Variants in ITGA9 observed in about 807,000 individuals in gnomAD.
ITGA9 encodes integrin alpha-9.
In ITGA9, 56 loss-of-function variants were observed where a neutral mutation model predicts 127.8. The ratio of observed to expected loss-of-function variants is 0.44; its 90% CI spans 0.35 to 0.55. ITGA9 has a LOEUF of 0.55. Among genes scored for constraint, ITGA9 ranks in the 20% least tolerant of loss-of-function variants. The pLI is 0.00. For missense variants in ITGA9, 1,196 were observed against 1,347.1 expected, an observed-to-expected ratio of 0.89 and a Z score of 1.76; for synonymous variants, 508 against 514.5, an observed-to-expected ratio of 0.99 and a Z score of 0.17.
intron 24 of ITGA9, among the ~76,000 whole-genome samples, chr3:37,778,872 G>GTTTTTTTTTTTTTTTTTTTTTTTTTT (rs10583231): frequency 9.4e-6 from 1 of 106,260 alleles, no homozygotes; most frequent in Non-Finnish European, 1.9e-5. Flanking sequence ...GAAAGGTTGG[G>GTTTTTTTTTTTTTTTTTTTTTTTTTT]TTTTTTTTTT....
At chr3:37,637,864 G>A (rs1700295886) in intron 16 of ITGA9, among the ~76,000 whole-genome samples, 1 of 152,112 alleles carries the variant, frequency 6.6e-6, no homozygotes, top group African/African-American at 2.4e-5. Context: ...GTAGAGACAA[G>A]TTTTCACTAT....
intron 8 of ITGA9, among the ~76,000 whole-genome samples, chr3:37,512,375 AC>A (rs1698941013): frequency 6.6e-6 from 1 of 151,200 alleles, no homozygotes; most frequent in African/African-American, 2.4e-5. Context: ...GCCTGCCACC[AC>A]GCCTGGCTAA....
intron 23 of ITGA9, among the ~76,000 whole-genome samples, chr3:37,760,536 GA>G (rs199746768): frequency 6.6e-6 from 1 of 151,320 alleles, no homozygotes; most frequent in South Asian, 2.1e-4. Flanking sequence ...AAAGAGGGCA[GA>G]AAAAAAAATT....
At chr3:37,790,072 T>A (rs1697089807) in intron 26 of ITGA9, 1 of 555,946 alleles carries the variant, frequency 1.8e-6, no homozygotes, top group African/African-American at 1.9e-5. Context: ...AAGTTTATGA[T>A]TGTTAAGAAG....
intron 15 of ITGA9, among the ~76,000 whole-genome samples, chr3:37,622,279 CAG>C (rs1157924859): frequency 6.6e-6 from 1 of 151,858 alleles, no homozygotes; most frequent in Non-Finnish European, 1.5e-5. Context: ...TTAGTAGAGA[CAG>C]GGTTTCACCG....
chr3:37,575,990 G>A (rs1699650550), intron 15 of ITGA9, among the ~76,000 whole-genome samples: 2 of 152,216 alleles, frequency 1.3e-5, no homozygotes, highest in African/African-American at 4.8e-5. Context: ...GGATGCTTTT[G>A]GAACTGATGA....
chr3:37,789,007 CAAAAT>C (rs1362878827), intron 26 of ITGA9, among the ~76,000 whole-genome samples: 1 of 152,086 alleles, frequency 6.6e-6, no homozygotes, highest in Non-Finnish European at 1.5e-5. Context: ...AAAACCAATT[CAAAAT>C]AAAATAAATC....
intron 14 of ITGA9, among the ~76,000 whole-genome samples, chr3:37,541,356 T>G (rs1021030063): frequency 1.1e-4 from 16 of 152,234 alleles, no homozygotes; most frequent in Middle Eastern, 3.4e-3. Context: ...CCCAAAACAG[T>G]TAAAAAATAA....
intron 15 of ITGA9, among the ~76,000 whole-genome samples, chr3:37,621,758 AAAGGG>A (rs1218239902): frequency 1.3e-5 from 2 of 152,214 alleles, no homozygotes; most frequent in African/African-American, 2.4e-5. Flanking sequence ...GATGCTTGCC[AAAGGG>A]TTATACATTT....
intron 18 of ITGA9, among the ~76,000 whole-genome samples, chr3:37,697,346 AT>A (rs1700896370): frequency 8.2e-6 from 1 of 121,986 alleles, no homozygotes; most frequent in Non-Finnish European, 1.8e-5. Context: ...TATTATTATT[AT>A]TATTATACTT....
intron 15 of ITGA9, among the ~76,000 whole-genome samples, chr3:37,575,149 C>T (rs1365285720): frequency 1.3e-5 from 2 of 152,050 alleles, no homozygotes; most frequent in African/African-American, 4.8e-5. Context: ...CCCCAAGGTA[C>T]CCGTGCCCTG....
chr3:37,690,555 T>C (rs968486663), intron 18 of ITGA9, among the ~76,000 whole-genome samples: 4 of 152,154 alleles, frequency 2.6e-5, no homozygotes, highest in Admixed American at 1.3e-4. Context: ...TTGACTGTTA[T>C]GGCATGCATG....
chr3:37,561,166 C>CTG lies in ITGA9; in HGVS notation c.1689+18581_1689+18582insTG, dbSNP rs553994000. Among the ~76,000 whole-genome samples, 510 of 152,268 alleles carry CTG rather than the reference C, an allele frequency of 3.3e-3. 2 individuals are homozygous for CTG. Among genetic ancestry groups the CTG allele is most frequent in the Non-Finnish European group, 5.6e-3 (381 of 68,032 alleles). On this transcript the variant is annotated intron_variant, in intron 15 of 27. Transcript: ENST00000264741. ...ACAGGAATTTTGGGGGAACACAGTT[C>CTG]AGCGCATAAAAATGTATATTATTTA...
Position 37,811,064 on chromosome 3 carries a change from A to G in ITGA9, c.3009+7122A>G, listed in dbSNP as rs79978008. 4.2e-3 allele frequency among the ~76,000 whole-genome samples: 639 copies of G among 152,252 alleles called. 8 individuals carry two copies. Among genetic ancestry groups the G allele is most frequent in the Non-Finnish European group, 5.6e-3 (380 of 68,000 alleles). On this transcript the variant is annotated intron_variant, in intron 27 of 27. Transcript: ENST00000264741. ...CCCTGGCTCTGACACAAAATCCACA[A>G]TGAGGGCCCCAAGCTAACCAGACCG...
At chr3:37,748,603 C>T (rs201340008) in intron 22 of ITGA9, 15 of 483,704 alleles carry the variant, frequency 3.1e-5, no homozygotes, top group Non-Finnish European at 4.5e-5. Flanking sequence ...AAAAATTAGC[C>T]GGGGATGGTG....
chr3:37,548,105 A>G (rs1187827391), intron 15 of ITGA9, among the ~76,000 whole-genome samples: 1 of 152,262 alleles, frequency 6.6e-6, no homozygotes, highest in Non-Finnish European at 1.5e-5. Context: ...TACCAGATGA[A>G]ATACAACTCA....
At chr3:37,526,208 T>G (rs1219538773) in intron 13 of ITGA9, 137 bp downstream of exon 13, 7 of 775,016 alleles carry the variant, frequency 9.0e-6, no homozygotes, top group Non-Finnish European at 1.4e-5. Flanking sequence ...GCTACCTTAT[T>G]TTCTCATTCT....
intron 17 of ITGA9, among the ~76,000 whole-genome samples, chr3:37,660,895 A>G (rs543588112): frequency 1.6e-3 from 242 of 152,322 alleles, no homozygotes; most frequent in Non-Finnish European, 2.6e-3. Context: ...ACCAGTGGAC[A>G]AGCCTGGGCA....
intron 18 of ITGA9, among the ~76,000 whole-genome samples, chr3:37,707,317 T>C (rs1403522254): frequency 2.0e-5 from 3 of 152,240 alleles, no homozygotes; most frequent in African/African-American, 7.2e-5. Context: ...ACAAGTTCTT[T>C]TCTGTTTAAG....
Sources: gnomAD v4.1 joint callset for allele counts (sites outside exome capture counted in the v4.1 genomes callset) on GRCh38, gnomAD v4.1.1 for gene constraint, MANE v1.5 for transcripts, NCBI Gene and HGNC (gene_info 2026-07-23, HGNC 2026-07-21) for gene names.